The following AATK variants were observed in gnomAD, a reference collection of about 807,000 sequenced individuals.
The protein encoded by AATK is lemur tail kinase 1, also known as serine/threonine-protein kinase LMTK1.
AATK carries 91 observed loss-of-function variants against 114.3 expected under a neutral mutation model. The observed-to-expected ratio is 0.80, with a 90% CI of 0.67 to 0.95. The LOEUF (loss-of-function observed/expected upper bound fraction) is 0.95. Ranked by LOEUF, AATK falls within the 40% of genes least tolerant of loss-of-function variation. AATK has a pLI of 0.00. For missense variants in AATK, 2,176 were observed against 1,965.2 expected (o/e 1.11, Z -2.03); for synonymous variants, 1,075 against 916.5 (o/e 1.17, Z -3.12).
chr17:81,130,924 G>A (rs1368174639), intron 3 of AATK, 137 bp downstream of exon 3: 24 of 1,112,602 alleles, frequency 2.2e-5, no homozygotes, highest in Middle Eastern at 3.1e-4. Flanking sequence ...TGCACACTGC[G>A]TCTACCCCAC....
chr17:81,124,039 G>A lies in AATK; in HGVS notation c.962+688C>T, dbSNP rs62073021. ...GCACCTTGGTGGAGAGGTGAGGAGG[G>A]GACAGTGTCCATGATGGGGCAGTCA... On this transcript the variant is annotated intron_variant, in intron 9 of 13. Coordinates refer to ENST00000326724, the MANE Select transcript of AATK (RefSeq NM_001080395.3). Among the ~76,000 whole-genome samples, 407 of 152,282 alleles carry A rather than the reference G, an allele frequency of 2.7e-3. 2 individuals are homozygous for A. Among genetic ancestry groups the A allele is most frequent in the Non-Finnish European group, 3.9e-3 (264 of 68,000 alleles).
rs749709313 is a variant in AATK, at chr17:81,121,901, G to T, written c.2035C>A (p.Arg679Ser). 4 of 1,600,530 alleles carry T rather than the reference G, an allele frequency of 2.5e-6. No homozygotes were observed. The African/African-American group carries it at 5.3e-5, about 21-fold the overall frequency. ...ARRAAQRGHW[R>S]SNVSANNNSG... The stretch of plus-strand genomic sequence containing the variant: ...TTGTTGTTGGCTGACACGTTGGAGC[G>T]CCAGTGCCCGCGCTGGGCGGCCCTC... Residue 679 changes from arginine to serine, a missense_variant, in exon 11 of 14, where the codon CGC (arginine) becomes AGC (serine). Arg to Ser is a moderately radical substitution (Grantham distance 110, BLOSUM62 -1). Coordinates refer to ENST00000326724, the MANE Select transcript of AATK (RefSeq NM_001080395.3).
At position 81,122,316 on chromosome 17, in the gene AATK, G is replaced by T. The variant is rs1181301500; in HGVS notation, c.1620C>A (p.Ala540=). ...CGGCGCAGTCAGGGTCGTGGCCGGC[G>T]GCGGGTGCGGCCTCCTCTAGGCGGA... is the stretch of plus-strand genomic sequence containing the variant. The part of the protein sequence containing the change: ...YFIRLEEAAP[A]AGHDPDCAGC... The change falls in exon 11 of 14, where the codon GCC becomes GCA. Residue 540 remains alanine, a synonymous_variant. Coordinates refer to ENST00000326724, the MANE Select transcript of AATK (RefSeq NM_001080395.3). 2 of 1,509,710 alleles carry T rather than the reference G, an allele frequency of 1.3e-6. No homozygotes were observed. The highest frequency in any genetic ancestry group is 5.3e-5 in the East Asian group (2 of 38,044). 93.5% of individuals were successfully genotyped at this position (1,509,710 alleles called of 1,614,324 possible). A position where few individuals can be genotyped will look rare whatever the true frequency, so the allele number is the denominator to read the frequency against.
chr17:81,132,692 G>A (rs963534969), intron 2 of AATK: 2 of 331,294 alleles, frequency 6.0e-6, no homozygotes, highest in Admixed American at 3.5e-5. Flanking sequence ...TGCCGATACA[G>A]CGTGCAATCA....
intron 1 of AATK, among the ~76,000 whole-genome samples, chr17:81,151,487 C>A (rs183928912): frequency 6.6e-5 from 10 of 152,092 alleles, no homozygotes; most frequent in Non-Finnish European, 1.0e-4. Context: ...GGCCACCTGA[C>A]GCCAGGCCCC....
chr17:81,128,429 C>T (rs1224289119), intron 4 of AATK, 41 bp downstream of exon 4: 2 of 1,546,888 alleles, frequency 1.3e-6, no homozygotes, highest in Non-Finnish European at 1.7e-6. Flanking sequence ...GTCCCTTCTG[C>T]CTCCCAGGCG....
intron 1 of AATK, among the ~76,000 whole-genome samples, chr17:81,142,279 C>T (rs1598952829): frequency 1.4e-5 from 2 of 142,698 alleles, no homozygotes; most frequent in Admixed American, 7.0e-5. Flanking sequence ...TTTTTCTTTT[C>T]TTTTTTTTTT....
chr17:81,165,851 T>G, intron 1 of AATK, 87 bp downstream of exon 1: 1 of 1,527,682 alleles, frequency 6.5e-7, no homozygotes, highest in Non-Finnish European at 8.8e-7. Context: ...TTAATTTCCA[T>G]GCAAACCGGG....
At chr17:81,125,788 T>C (rs4969252) in intron 7 of AATK, 84,111 of 412,650 alleles carry the variant, frequency 0.2, 9,893 homozygotes, top group Non-Finnish European at 0.26. Context: ...TACAGGGCCA[T>C]GTGTCCTGGG....
chr17:81,137,759 C>A (rs1195892810), intron 1 of AATK, among the ~76,000 whole-genome samples: 3 of 151,962 alleles, frequency 2.0e-5, no homozygotes, highest in Admixed American at 2.0e-4. Flanking sequence ...AGCATGCATA[C>A]AACCATACGT....
At chr17:81,160,994 G>A (rs373384188) in intron 1 of AATK, among the ~76,000 whole-genome samples, 6 of 152,212 alleles carry the variant, frequency 3.9e-5, no homozygotes, top group African/African-American at 1.4e-4. Context: ...CCAGCCAAGC[G>A]CCCTGGAGGG....
intron 13 of AATK, 114 bp downstream of exon 13, chr17:81,119,266 C>CGGAGA: frequency 8.7e-7 from 1 of 1,144,102 alleles, no homozygotes; most frequent in Non-Finnish European, 1.2e-6. Context: ...AGGAGCGGAG[C>CGGAGA]GGAGCGGAGC....
rs1054481624 is a variant in AATK at position 81,131,225 on chromosome 17, T to C, written c.190-20A>G. ...AAACTCCTGCGGGCCGGGCCGGGCA[T>C]GAGCGGGGCTTCTCGCAGGTCAAGG... On this transcript the variant is annotated intron_variant, in intron 2 of 13. Coordinates refer to ENST00000326724, the MANE Select transcript of AATK (RefSeq NM_001080395.3). 1.9e-6 allele frequency: 3 copies of C among 1,558,390 alleles called. No individual in the cohort carries two copies. Among genetic ancestry groups the C allele is most frequent in the Non-Finnish European group, 2.6e-6 (3 of 1,156,202 alleles).
At chr17:81,128,852 CCCGTCACATGGG>C (rs1334752345) in intron 3 of AATK, 3 of 1,195,400 alleles carry the variant, frequency 2.5e-6, no homozygotes, top group Non-Finnish European at 3.2e-6. Context: ...CGGAGCTCGA[CCCGTCACATGGG>C]CTGCACCAGG....
At chr17:81,134,237 C>A in intron 2 of AATK, 131 bp downstream of exon 2, 3 of 1,268,306 alleles carry the variant, frequency 2.4e-6, no homozygotes, top group Non-Finnish European at 3.3e-6. Flanking sequence ...CCCCAGGTGG[C>A]CCCACAGCAA....
At chr17:81,163,779 C>T (rs1283898963) in intron 1 of AATK, among the ~76,000 whole-genome samples, 4 of 152,236 alleles carry the variant, frequency 2.6e-5, no homozygotes, top group African/African-American at 9.6e-5. Flanking sequence ...CCCCCTGTAC[C>T]ACCACAACTG....
At position 81,121,958 on chromosome 17, in the gene AATK, C is replaced by T. The variant is rs772360634; in HGVS notation, c.1978G>A (p.Gly660Ser). The change falls in exon 11 of 14, where the codon GGC becomes AGC. Residue 660 changes from glycine (G) to serine (S), a missense_variant. By Grantham distance (56) the Gly-to-Ser change is moderately conservative (BLOSUM62 0). This residue lies in a region of AATK where 1,701 missense variants were observed against 1,394.7 expected (regional missense o/e 1.22). Transcript: ENST00000326724. ...CCCACCTCCTCTAGCTCATCCTCGC[C>T]AGTCAGCGGCAGCGGGGGCGCCCCT... ...SSGAPPLPLT[G>S]EDELEEVGAR... 1.3e-6 allele frequency: 2 copies of T among 1,599,660 alleles called. No homozygotes were observed. The highest frequency in any genetic ancestry group is 1.7e-6 in the Non-Finnish European group (2 of 1,176,962).
chr17:81,164,602 G>T (rs1374182864), intron 1 of AATK, among the ~76,000 whole-genome samples: 3 of 152,262 alleles, frequency 2.0e-5, no homozygotes, highest in Non-Finnish European at 4.4e-5. Flanking sequence ...CAAGGACAAG[G>T]CTGGGCCCCG....
intron 1 of AATK, among the ~76,000 whole-genome samples, chr17:81,151,873 C>T (rs1346303570): frequency 6.6e-6 from 1 of 152,226 alleles, no homozygotes; most frequent in Non-Finnish European, 1.5e-5. Flanking sequence ...TCAACTTAAT[C>T]ATAGAAGAAG....
Sources: allele counts gnomAD v4.1 joint callset (sites outside exome capture counted in the v4.1 genomes callset), GRCh38; gene constraint gnomAD v4.1.1; regional missense constraint gnomAD v4.1.1; transcripts MANE v1.5; gene names NCBI Gene and HGNC (gene_info 2026-07-23, HGNC 2026-07-21).